ZNF627: variants seen among roughly 807,000 people sequenced by gnomAD.
ZNF627 encodes the protein zinc finger protein 627.
Under a neutral mutation model 10.6 loss-of-function variants are expected in ZNF627, and 12 were observed. The observed-to-expected ratio is 1.13, with a 90% CI of 0.73 to 1.84. ZNF627 has a LOEUF of 1.84. ZNF627 is among the 40% of genes most tolerant of loss of function. The pLI, the probability that ZNF627 is intolerant of heterozygous loss-of-function variation, is 0.00. For synonymous variants in ZNF627, 176 were observed against 187.1 expected, an observed-to-expected ratio of 0.94 and a Z score of 0.48; for missense variants, 504 against 568.4, an observed-to-expected ratio of 0.89 and a Z score of 1.15.
rs1368208023 is a variant in ZNF627, at chr19:11,618,988, TTTATC to T, written c.*1102_*1106del. The stretch of plus-strand genomic sequence containing the variant: ...TTTTCATGCTTATATAGTTTCAACT[TTTATC>T]TTCATAGTAATTTCTCATCTACTCA... On this transcript the variant is annotated 3_prime_UTR_variant, in exon 4 of 4. Transcript: ENST00000361113. 1 of 152,176 alleles carries T rather than the reference TTTATC, an allele frequency of 6.6e-6. No individual in the cohort carries two copies. Among genetic ancestry groups the T allele is most frequent in the Non-Finnish European group, 1.5e-5 (1 of 68,026 alleles). 9.4% of individuals were successfully genotyped at this position (152,176 alleles called of 1,614,324 possible). A position where few individuals can be genotyped will look rare whatever the true frequency, so the allele number is the denominator to read the frequency against.
chr19:11,612,177 G>A (rs1973782500), intron 1 of ZNF627, among the ~76,000 whole-genome samples: 1 of 141,208 alleles, frequency 7.1e-6, no homozygotes, highest in Admixed American at 7.4e-5. Context: ...CTGGAGTGCA[G>A]TGGTGCGATC....
At chr19:11,614,201 T>A (rs1973827052) in intron 1 of ZNF627, among the ~76,000 whole-genome samples, 1 of 152,178 alleles carries the variant, frequency 6.6e-6, no homozygotes, top group African/African-American at 2.4e-5. Flanking sequence ...ATTACAGGCG[T>A]GAGCCACCGC....
chr19:11,603,284 C>CTTTTT lies in ZNF627; in HGVS notation c.3+5668_3+5672dup, dbSNP rs34132887. Reference sequence around the variant, plus strand: ...GTACGACATCTTGGCTATTCTTAGCCTTTTTTTTTTTTTTTTTTGAGATGG... The same window carrying CTTTTT: ...GTACGACATCTTGGCTATTCTTAGCCTTTTTTTTTTTTTTTTTTTTTTTGAGATGG... On this transcript the variant is annotated intron_variant, in intron 1 of 3. Transcript: ENST00000361113. Among the ~76,000 whole-genome samples, 4 of 119,952 alleles carry CTTTTT rather than the reference C, an allele frequency of 3.3e-5. 1 individual carries two copies. Among genetic ancestry groups the CTTTTT allele is most frequent in the South Asian group, 2.7e-4 (1 of 3,672 alleles). 78.7% of individuals were successfully genotyped at this position (119,952 alleles called of 152,430 possible).
Position 11,617,998 on chromosome 19 carries a change from AC to A in ZNF627, c.*112del. The stretch of plus-strand genomic sequence containing the variant: ...GTGAAAGGATTCACAGTGGAGAAAG[AC>A]CCTGTAAGATAATTGGCTTTAAATT... On this transcript the variant is annotated 3_prime_UTR_variant, in exon 4 of 4. Coordinates refer to ENST00000361113, the MANE Select transcript of ZNF627 (RefSeq NM_145295.4). 2.2e-6 allele frequency: 2 copies of A among 925,240 alleles called. No homozygotes were observed. Among genetic ancestry groups the A allele is most frequent in the Non-Finnish European group, 3.1e-6 (2 of 641,676 alleles). 57.3% of individuals were successfully genotyped at this position (925,240 alleles called of 1,614,324 possible). A position where few individuals can be genotyped will look rare whatever the true frequency, so the allele number is the denominator to read the frequency against.
At chr19:11,599,448 TATCCCAAGGACAGGAAAACCC>T (rs1973547512) in intron 1 of ZNF627, among the ~76,000 whole-genome samples, 1 of 152,170 alleles carries the variant, frequency 6.6e-6, no homozygotes, top group Non-Finnish European at 1.5e-5. Flanking sequence ...TGAGAAAACT[TATCCCAAGGACAGGAAAACCC>T]ATCCCACTGA....
intron 3 of ZNF627, 46 bp downstream of exon 3, chr19:11,614,933 C>T (rs762976291): frequency 6.2e-5 from 77 of 1,234,656 alleles, no homozygotes; most frequent in Non-Finnish European, 7.3e-5. Flanking sequence ...GAGAGCATTT[C>T]GTATTGTTAG....
At position 11,607,932 on chromosome 19, in the gene ZNF627, C is replaced by T. The variant is rs199970001; in HGVS notation, c.4-6595C>T. Among the ~76,000 whole-genome samples, 11 of 152,268 alleles carry T rather than the reference C, an allele frequency of 7.2e-5. No individual in the cohort carries two copies. The East Asian group carries it at 2.1e-3, about 29-fold the overall frequency. On this transcript the variant is annotated intron_variant, in intron 1 of 3. Coordinates refer to ENST00000361113, the MANE Select transcript of ZNF627 (RefSeq NM_145295.4). Reference sequence around the variant, plus strand: ...ATCTTTACGGCAGAGCACCCCGCTACCCAGTACCAATTTACTATATTAGTC... The same window carrying T: ...ATCTTTACGGCAGAGCACCCCGCTATCCAGTACCAATTTACTATATTAGTC...
intron 1 of ZNF627, among the ~76,000 whole-genome samples, chr19:11,598,310 G>A (rs1973527570): frequency 6.6e-6 from 1 of 152,186 alleles, no homozygotes; most frequent in African/African-American, 2.4e-5. Context: ...AAGACAGGAG[G>A]ATCGCTTGGG....
chr19:11,608,759 T>G (rs1485305534), intron 1 of ZNF627, among the ~76,000 whole-genome samples: 1 of 152,182 alleles, frequency 6.6e-6, no homozygotes, highest in Non-Finnish European at 1.5e-5. Flanking sequence ...GGGCTCAAGA[T>G]CCTTCTGCCT....
chr19:11,608,603 G>C (rs904972336), intron 1 of ZNF627, among the ~76,000 whole-genome samples: 1 of 152,174 alleles, frequency 6.6e-6, no homozygotes, highest in Non-Finnish European at 1.5e-5. Flanking sequence ...TCGTGGTGTT[G>C]AGCATATTTG....
At chr19:11,602,932 C>T (rs1973612287) in intron 1 of ZNF627, among the ~76,000 whole-genome samples, 1 of 152,144 alleles carries the variant, frequency 6.6e-6, no homozygotes, top group Non-Finnish European at 1.5e-5. Flanking sequence ...GGGCATTGGG[C>T]ATTTCTGGTA....
In ZNF627 at chr19:11,618,665, G is replaced by C. The variant is rs1351257266; in HGVS notation, c.*776G>C. On this transcript the variant is annotated 3_prime_UTR_variant, in exon 4 of 4. Transcript: ENST00000361113. Reference sequence around the variant, plus strand: ...AGTGTGCAGTGACTGGCCTCACCCAGGACTTTGATGTGAGAATGAGCACTT... The same window carrying C: ...AGTGTGCAGTGACTGGCCTCACCCACGACTTTGATGTGAGAATGAGCACTT... The C allele has an allele frequency of 3.3e-5, 5 of 152,120 alleles. No individual in the cohort carries two copies. Among genetic ancestry groups the C allele is most frequent in the African/African-American group, 4.8e-5 (2 of 41,426 alleles). The allele number at this position is 152,120 out of a possible 1,614,324, so 9.4% of individuals were successfully genotyped here.
chr19:11,609,263 C>T (rs1308480256), intron 1 of ZNF627, among the ~76,000 whole-genome samples: 1 of 151,888 alleles, frequency 6.6e-6, no homozygotes, highest in East Asian at 1.9e-4. Context: ...ACTATACTCA[C>T]CTTGTTGTGC....
rs1973672092 is a variant in ZNF627 at position 11,606,236 on chromosome 19, C to T, written c.4-8291C>T. Among the ~76,000 whole-genome samples, 3 of 151,892 alleles carry T rather than the reference C, an allele frequency of 2.0e-5. No homozygotes were observed. The South Asian group carries it at 6.2e-4, about 32-fold the overall frequency. ...CCTGTAATCCCAGCTACTCGGGAGG[C>T]TGAGGCAGGAGAATTGCTTGATCCC... On this transcript the variant is annotated intron_variant, in intron 1 of 3. Coordinates refer to ENST00000361113, the MANE Select transcript of ZNF627 (RefSeq NM_145295.4).
At chr19:11,608,296 G>A (rs898030161) in intron 1 of ZNF627, among the ~76,000 whole-genome samples, 2 of 152,104 alleles carry the variant, frequency 1.3e-5, no homozygotes, top group Non-Finnish European at 2.9e-5. Flanking sequence ...ATTTGGGTGG[G>A]GGCACAGCCA....
chr19:11,602,471 T>C (rs1321086798), intron 1 of ZNF627, among the ~76,000 whole-genome samples: 1 of 152,218 alleles, frequency 6.6e-6, no homozygotes. Flanking sequence ...TAACCATAGC[T>C]ATTTCCAGGA....
chr19:11,617,582 A>G lies in ZNF627; in HGVS notation c.1079A>G (p.Glu360Gly). Reference protein sequence around the residue: ...FRIHERTHTGEKPYDCKQCGK... With the variant: ...FRIHERTHTGGKPYDCKQCGK... ...ATCCATGAAAGGACCCACACTGGAG[A>G]GAAACCCTATGATTGTAAGCAATGT... The change falls in exon 4 of 4, where the codon GAG becomes GGG. Residue 360 changes from glutamate to glycine, a missense_variant. Physicochemically the swap from Glu to Gly is moderately conservative, Grantham distance 98. Transcript: ENST00000361113. 1.9e-6 allele frequency: 3 copies of G among 1,613,912 alleles called. No homozygotes were observed. Among genetic ancestry groups the G allele is most frequent in the Non-Finnish European group, 2.5e-6 (3 of 1,179,968 alleles).
At chr19:11,615,087 C>A (rs1049281683) in intron 3 of ZNF627, among the ~76,000 whole-genome samples, 200 bp downstream of exon 3, 18 of 151,560 alleles carry the variant, frequency 1.2e-4, no homozygotes, top group Non-Finnish European at 2.4e-4. Context: ...GCTAGGACTA[C>A]AGGCACGTGC....
intron 3 of ZNF627, among the ~76,000 whole-genome samples, chr19:11,615,297 T>C (rs1973847812): frequency 6.6e-6 from 1 of 151,448 alleles, no homozygotes; most frequent in Non-Finnish European, 1.5e-5. Flanking sequence ...CAAACTGTTT[T>C]GTTTTTAGAA....
Sources: allele counts gnomAD v4.1 joint callset (sites outside exome capture counted in the v4.1 genomes callset), GRCh38; gene constraint gnomAD v4.1.1; transcripts MANE v1.5; gene names NCBI Gene and HGNC (gene_info 2026-07-23, HGNC 2026-07-21).